Variants in FAXC observed in about 807,000 individuals in gnomAD.
The protein encoded by FAXC is failed axon connections homolog.
In FAXC, 10 loss-of-function variants were observed where a neutral mutation model predicts 41.9. The ratio of observed to expected loss-of-function variants is 0.24; its 90% CI spans 0.15 to 0.41. The LOEUF is 0.41. Among genes scored for constraint, FAXC ranks in the 10% least tolerant of loss-of-function variants. The pLI is 1.00. For synonymous variants in FAXC, 183 were observed against 183.8 expected (o/e 1.00, Z 0.03); for missense variants, 399 against 510.9 (o/e 0.78, Z 2.11).
chr6:99,307,668 G>A (rs146445985), intron 4 of FAXC, among the ~76,000 whole-genome samples: 128 of 152,288 alleles, frequency 8.4e-4, no homozygotes, highest in African/African-American at 3.0e-3. Flanking sequence ...AACCAGTTAA[G>A]TCTGGAGCTG....
intron 5 of FAXC, among the ~76,000 whole-genome samples, chr6:99,289,685 GTA>G (rs1164754888): frequency 7.1e-5 from 5 of 70,608 alleles, no homozygotes; most frequent in Admixed American, 1.5e-4. Context: ...ATGTACATAT[GTA>G]TATGTGTGTG....
intron 5 of FAXC, among the ~76,000 whole-genome samples, chr6:99,285,461 T>C (rs1007987308): frequency 5.3e-5 from 8 of 152,048 alleles, no homozygotes; most frequent in African/African-American, 1.9e-4. Flanking sequence ...TTAAAAACAG[T>C]GAAAACAAAC....
At chr6:99,318,062 T>C (rs1412245479) in intron 4 of FAXC, among the ~76,000 whole-genome samples, 2 of 151,980 alleles carry the variant, frequency 1.3e-5, no homozygotes, top group Non-Finnish European at 2.9e-5. Context: ...ATCGAGACCA[T>C]CCTGGCTAAC....
intron 4 of FAXC, among the ~76,000 whole-genome samples, chr6:99,316,890 T>C (rs1311459454): frequency 6.6e-6 from 1 of 152,246 alleles, no homozygotes; most frequent in Non-Finnish European, 1.5e-5. Flanking sequence ...TCATTATACA[T>C]GCTTAGGAAG....
intron 5 of FAXC, among the ~76,000 whole-genome samples, chr6:99,283,507 C>T (rs1434927378): frequency 6.6e-6 from 1 of 152,214 alleles, no homozygotes; most frequent in East Asian, 1.9e-4. Flanking sequence ...TTCCAGTCTT[C>T]TCAAATTATA....
chr6:99,324,055 T>C (rs1772695150), intron 3 of FAXC, among the ~76,000 whole-genome samples: 1 of 152,104 alleles, frequency 6.6e-6, no homozygotes, highest in Non-Finnish European at 1.5e-5. Flanking sequence ...CAGGAGGCAG[T>C]AGTGACTGGG....
chr6:99,330,689 C>T (rs13216330), intron 3 of FAXC, among the ~76,000 whole-genome samples: 57,509 of 152,048 alleles, frequency 0.38, 11,379 homozygotes, highest in Middle Eastern at 0.46. Flanking sequence ...ACAAGGTAGG[C>T]TTATTAAATT....
chr6:99,298,235 T>C (rs896059619), intron 4 of FAXC, among the ~76,000 whole-genome samples: 1 of 151,870 alleles, frequency 6.6e-6, no homozygotes, highest in Non-Finnish European at 1.5e-5. Flanking sequence ...AAGGCTTTTT[T>C]TTTTTTTTCT....
At chr6:99,325,209 A>G (rs979480109) in intron 3 of FAXC, among the ~76,000 whole-genome samples, 4 of 152,008 alleles carry the variant, frequency 2.6e-5, no homozygotes, top group African/African-American at 9.7e-5. Context: ...CTCAAGGGGG[A>G]AAAAAAGGCA....
intron 5 of FAXC, among the ~76,000 whole-genome samples, chr6:99,288,280 A>T: frequency 6.6e-6 from 1 of 152,218 alleles, no homozygotes; most frequent in South Asian, 2.1e-4. Flanking sequence ...GTGTATGTAC[A>T]CACATATGTG....
At chr6:99,306,964 G>A (rs1483132720) in intron 4 of FAXC, among the ~76,000 whole-genome samples, 5 of 152,192 alleles carry the variant, frequency 3.3e-5, no homozygotes, top group Admixed American at 6.5e-5. Context: ...GGGAATCTCT[G>A]GAGCTGAAAA....
Position 99,278,480 on chromosome 6 carries a change from C to A in FAXC, c.*2684G>T, listed in dbSNP as rs1770708740. On this transcript the variant is annotated 3_prime_UTR_variant, in exon 6 of 6. Coordinates refer to ENST00000389677, the MANE Select transcript of FAXC (RefSeq NM_032511.4). ...GAACTTGAACAAGAAGCCAGATGAC[C>A]AAAATGTCCCTTAACTTCTTATAGT... 7 of 152,182 alleles carry A rather than the reference C, an allele frequency of 4.6e-5. 1 individual carries two copies. Among genetic ancestry groups the A allele is most frequent in the Admixed American group, 4.6e-4 (7 of 15,280 alleles). 9.4% of individuals were successfully genotyped at this position (152,182 alleles called of 1,614,324 possible).
chr6:99,293,665 AGTGTGTGTGTGTGTGT>A (rs55827992), intron 4 of FAXC, among the ~76,000 whole-genome samples: 252 of 123,254 alleles, frequency 2.0e-3, no homozygotes, highest in East Asian at 8.5e-3. Context: ...CTCTATACAC[AGTGTGTGTGTGTGTGT>A]GTGTGTGTGT....
At chr6:99,339,363 T>C (rs1490983946) in intron 2 of FAXC, among the ~76,000 whole-genome samples, 1 of 152,240 alleles carries the variant, frequency 6.6e-6, no homozygotes, top group African/African-American at 2.4e-5. Context: ...CCTTTCTTTT[T>C]TTAAACTCCC....
At chr6:99,309,920 C>T in intron 4 of FAXC, 1 of 984,758 alleles carries the variant, frequency 1.0e-6, no homozygotes, top group Non-Finnish European at 1.2e-6. Flanking sequence ...CATTAACAAA[C>T]CACCAACGTA....
At chr6:99,314,545 G>T (rs1772263915) in intron 4 of FAXC, among the ~76,000 whole-genome samples, 1 of 152,166 alleles carries the variant, frequency 6.6e-6, no homozygotes, top group Non-Finnish European at 1.5e-5. Flanking sequence ...CTGCACTACA[G>T]CCTGGGCAAC....
intron 5 of FAXC, among the ~76,000 whole-genome samples, chr6:99,287,945 G>A (rs1771085096): frequency 6.6e-6 from 1 of 152,156 alleles, no homozygotes; most frequent in African/African-American, 2.4e-5. Flanking sequence ...CAGCACCCAG[G>A]GAAAGCTGGA....
At chr6:99,289,689 ATG>A (rs58098982) in intron 5 of FAXC, among the ~76,000 whole-genome samples, 12,148 of 146,528 alleles carry the variant, frequency 0.083, 532 homozygotes, top group South Asian at 0.12. Flanking sequence ...ACATATGTAT[ATG>A]TGTGTGTGTG....
rs1023311498 is a variant in FAXC at position 99,274,162 on chromosome 6, A to G, written c.*7002T>C. On this transcript the variant is annotated 3_prime_UTR_variant, in exon 6 of 6. Coordinates refer to ENST00000389677, the MANE Select transcript of FAXC (RefSeq NM_032511.4). ...TAAATGTATCAGGGCCAGACCCTCT[A>G]AGCTGCTATCTAAGGTCCCAGGCCT... 8 of 152,172 alleles carry G rather than the reference A, an allele frequency of 5.3e-5. No individual in the cohort carries two copies. Among genetic ancestry groups the G allele is most frequent in the African/African-American group, 1.9e-4 (8 of 41,446 alleles). The allele number at this position is 152,172 out of a possible 1,614,324, so 9.4% of individuals were successfully genotyped here.
Sources: gnomAD v4.1 joint callset for allele counts (sites outside exome capture counted in the v4.1 genomes callset) on GRCh38, gnomAD v4.1.1 for gene constraint, MANE v1.5 for transcripts, NCBI Gene and HGNC (gene_info 2026-07-23, HGNC 2026-07-21) for gene names.